ITGB6: variants seen among roughly 807,000 people sequenced by gnomAD.
The protein encoded by ITGB6 is integrin subunit beta 6.
ITGB6 carries 80 observed loss-of-function variants against 84.5 expected under a neutral mutation model. The observed-to-expected ratio is 0.95, with a 90% CI of 0.79 to 1.14. The LOEUF (loss-of-function observed/expected upper bound fraction) is 1.14. Ranked by LOEUF, ITGB6 falls within the 50% of genes most tolerant of loss-of-function variation. The pLI is 0.00. For synonymous variants in ITGB6, 383 were observed against 354.9 expected (o/e 1.08, Z -0.89); for missense variants, 1,006 against 968.0 (o/e 1.04, Z -0.52).
intron 14 of ITGB6, among the ~76,000 whole-genome samples, chr2:160,106,773 T>C (rs1345692294): frequency 1.3e-5 from 2 of 152,176 alleles, no homozygotes. Flanking sequence ...AATGGAAAAT[T>C]CCATTTGCTT....
chr2:160,136,116 C>T (rs1286823460), intron 10 of ITGB6, among the ~76,000 whole-genome samples: 2 of 152,088 alleles, frequency 1.3e-5, no homozygotes, highest in East Asian at 1.9e-4. Context: ...AGTGAACAGG[C>T]AACCTACAGA....
chr2:160,126,736 G>T, intron 10 of ITGB6, 135 bp from the exon 11 acceptor site: 1 of 725,544 alleles, frequency 1.4e-6, no homozygotes, highest in Non-Finnish European at 2.3e-6. Flanking sequence ...AAAAGTATGT[G>T]TGTGAGGGGT....
At chr2:160,125,634 T>C (rs1163582977) in intron 11 of ITGB6, among the ~76,000 whole-genome samples, 5 of 152,218 alleles carry the variant, frequency 3.3e-5, no homozygotes, top group South Asian at 2.1e-4. Flanking sequence ...GTCACCATTT[T>C]GGGCATCAGA....
At chr2:160,155,598 T>G (rs1684596195) in intron 7 of ITGB6, among the ~76,000 whole-genome samples, 1 of 152,186 alleles carries the variant, frequency 6.6e-6, no homozygotes, top group Non-Finnish European at 1.5e-5. Flanking sequence ...CTACTCAATT[T>G]GCTGTGAACC....
Position 160,126,548 on chromosome 2 carries a change from C to T in ITGB6, c.1714G>A (p.Glu572Lys), listed in dbSNP as rs144758639. Residue 572 changes from glutamate to lysine, a missense_variant, in exon 11 of 15, where the codon GAG (glutamate) becomes AAG (lysine). Physicochemically the swap from Glu to Lys is moderately conservative, Grantham distance 56. Transcript: ENST00000283249. Reference sequence around the variant, plus strand: ...GTGCTGGTGGTGCAGTTGCAGTACTCGCCAGTCCAGCCGCTCCTGCACACA... The same window carrying T: ...GTGCTGGTGGTGCAGTTGCAGTACTTGCCAGTCCAGCCGCTCCTGCACACA... ...ECVCRSGWTGEYCNCTTSTDS... is the reference protein window; with the variant it reads ...ECVCRSGWTGKYCNCTTSTDS... 16 of 1,613,994 alleles carry T rather than the reference C, an allele frequency of 9.9e-6. No individual in the cohort carries two copies. The highest frequency in any genetic ancestry group is 1.3e-5 in the Non-Finnish European group (15 of 1,179,984).
intron 7 of ITGB6, among the ~76,000 whole-genome samples, chr2:160,147,393 A>G (rs1684238208): frequency 6.6e-6 from 1 of 152,210 alleles, no homozygotes; most frequent in Non-Finnish European, 1.5e-5. Context: ...ATTAATAAAT[A>G]AGACTTAAAA....
chr2:160,156,951 G>A (rs557875974), intron 7 of ITGB6, among the ~76,000 whole-genome samples: 58 of 152,214 alleles, frequency 3.8e-4, no homozygotes, highest in Admixed American at 9.8e-4. Flanking sequence ...TTGGGTTGCC[G>A]AAGTCCCACA....
chr2:160,123,699 C>A, intron 12 of ITGB6, 92 bp downstream of exon 12: 1 of 891,976 alleles, frequency 1.1e-6, no homozygotes, highest in Non-Finnish European at 1.8e-6. Flanking sequence ...TAAGGTCAAG[C>A]TACTAAATAG....
At chr2:160,115,726 G>A (rs1559095971) in intron 12 of ITGB6, among the ~76,000 whole-genome samples, 1 of 152,180 alleles carries the variant, frequency 6.6e-6, no homozygotes, top group Non-Finnish European at 1.5e-5. Flanking sequence ...GCTACAGGAG[G>A]AAATTCAAAT....
At position 160,137,843 on chromosome 2, in the gene ITGB6, G is replaced by A; in HGVS notation, c.1251C>T (p.Phe417=). ...AGTGTGGGATATTCACAGTCACGCT[G>A]AAGGAAGCCTGGAAAAGAAAATACT... ...SHMKVGDTAS[F]SVTVNIPHCE... is the part of the protein sequence containing the mutation. Residue 417 remains phenylalanine (F), a synonymous_variant, in exon 10 of 15, where the codon TTC becomes TTT. Coordinates refer to ENST00000283249, the MANE Select transcript of ITGB6 (RefSeq NM_000888.5). 2 of 1,612,776 alleles carry A rather than the reference G, an allele frequency of 1.2e-6. No individual in the cohort carries two copies. Among genetic ancestry groups the A allele is most frequent in the Non-Finnish European group, 8.5e-7 (1 of 1,178,898 alleles).
At chr2:160,117,756 A>G (rs552843675) in intron 12 of ITGB6, among the ~76,000 whole-genome samples, 17 of 152,330 alleles carry the variant, frequency 1.1e-4, no homozygotes, top group African/African-American at 3.8e-4. Context: ...AACAAAATCA[A>G]TAGACCGCTA....
chr2:160,121,414 G>A (rs1452616712), intron 12 of ITGB6, among the ~76,000 whole-genome samples: 1 of 152,148 alleles, frequency 6.6e-6, no homozygotes, highest in African/African-American at 2.4e-5. Context: ...TCTATGTAAT[G>A]TTTTCATATC....
At position 160,141,997 on chromosome 2, in the gene ITGB6, G is replaced by T; in HGVS notation, c.1092C>A (p.Ile364=). ...QKDSGNILQL[I]ISAYEELRSE... ...AATATCCTACTTCATAAGCTGAGAT[G>T]ATCAGCTGGAGAATGTTTCCGGAGT... is the stretch of plus-strand genomic sequence containing the variant. Residue 364 remains isoleucine (I), a synonymous_variant, in exon 8 of 15, where the codon ATC becomes ATA. Coordinates refer to ENST00000283249, the MANE Select transcript of ITGB6 (RefSeq NM_000888.5). 1.3e-6 allele frequency: 2 copies of T among 1,599,750 alleles called. No individual in the cohort carries two copies. Among genetic ancestry groups the T allele is most frequent in the South Asian group, 1.1e-5 (1 of 89,550 alleles).
intron 4 of ITGB6, among the ~76,000 whole-genome samples, chr2:160,190,272 T>G (rs1408671437): frequency 1.3e-5 from 2 of 151,380 alleles, no homozygotes; most frequent in Non-Finnish European, 2.9e-5. Context: ...AGTTAATGGG[T>G]GCAGCACACC....
intron 1 of ITGB6, 35 bp from the exon 2 acceptor site, chr2:160,199,293 T>A: frequency 6.6e-7 from 1 of 1,513,044 alleles, no homozygotes. Context: ...AGGGATTAAG[T>A]ACACTTTCAG....
chr2:160,129,313 C>T (rs7564691), intron 10 of ITGB6, among the ~76,000 whole-genome samples: 14 of 150,116 alleles, frequency 9.3e-5, no homozygotes, highest in Admixed American at 5.4e-4. Flanking sequence ...GCCTGCCATG[C>T]GCAAGACACT....
chr2:160,192,150 G>T (rs547405401), intron 4 of ITGB6, among the ~76,000 whole-genome samples: 4 of 152,192 alleles, frequency 2.6e-5, no homozygotes, highest in African/African-American at 9.6e-5. Flanking sequence ...ATATGGAAAT[G>T]CAAAGGATCT....
chr2:160,101,786 T>A lies in ITGB6; in HGVS notation c.2317A>T (p.Thr773Ser). ...TTTTGTTTTTCCCTGTGTTTATAAG[T>A]TACATTTTTAAAAGTACTTGTGGAT... is the stretch of plus-strand genomic sequence containing the variant. ...RGSTSTFKNVTYKHREKQKVD... is the reference protein window; with the variant it reads ...RGSTSTFKNVSYKHREKQKVD... Residue 773 changes from threonine to serine, a missense_variant, in exon 15 of 15, where the codon ACT becomes TCT. Coordinates refer to ENST00000283249, the MANE Select transcript of ITGB6 (RefSeq NM_000888.5). The A allele has an allele frequency of 6.2e-7, 1 of 1,603,768 alleles. No individual in the cohort carries two copies. Among genetic ancestry groups the A allele is most frequent in the East Asian group, 2.2e-5 (1 of 44,760 alleles).
intron 7 of ITGB6, among the ~76,000 whole-genome samples, chr2:160,156,148 T>A (rs1005254846): frequency 2.0e-5 from 3 of 152,222 alleles, no homozygotes; most frequent in African/African-American, 7.2e-5. Flanking sequence ...GTAATCAAGA[T>A]GCCACTTAAA....
Sources: gnomAD v4.1 joint callset for allele counts (sites outside exome capture counted in the v4.1 genomes callset) on GRCh38, gnomAD v4.1.1 for gene constraint, MANE v1.5 for transcripts, NCBI Gene and HGNC (gene_info 2026-07-23, HGNC 2026-07-21) for gene names.